The following RNF6 variants were observed in gnomAD, a reference collection of about 807,000 sequenced individuals.
RNF6 encodes the protein E3 ubiquitin-protein ligase RNF6.
A neutral mutation model predicts 50.1 loss-of-function variants in RNF6; 21 were observed. The ratio of observed to expected loss-of-function variants is 0.42; its 90% CI spans 0.30 to 0.60. RNF6 has a LOEUF of 0.60. Ranked by LOEUF, RNF6 falls within the 20% of genes least tolerant of loss-of-function variation. RNF6 has a pLI of 0.20. For synonymous variants in RNF6, 255 were observed against 291.8 expected (o/e 0.87, Z 1.29); for missense variants, 698 against 838.2 (o/e 0.83, Z 2.07).
intron 5 of RNF6, among the ~76,000 whole-genome samples, chr13:26,192,849 G>A (rs141101688): frequency 5.6e-4 from 86 of 152,354 alleles, no homozygotes; most frequent in African/African-American, 2.0e-3. Flanking sequence ...CCTTGTGAGA[G>A]ACCCTGAAAC....
intron 5 of RNF6, among the ~76,000 whole-genome samples, chr13:26,193,215 A>C (rs1194800227): frequency 6.6e-6 from 1 of 152,214 alleles, no homozygotes; most frequent in Non-Finnish European, 1.5e-5. Context: ...ATCAGCTTAT[A>C]AAAGGTTTCT....
intron 5 of RNF6, among the ~76,000 whole-genome samples, chr13:26,174,270 C>T (rs1872844827): frequency 1.3e-5 from 2 of 152,174 alleles, no homozygotes; most frequent in Admixed American, 6.5e-5. Flanking sequence ...AAGAGGAGGA[C>T]TGGCTAAGCA....
downstream of RNF6, among the ~76,000 whole-genome samples, chr13:26,209,019 T>C (rs868360748): frequency 7.9e-5 from 12 of 152,118 alleles, no homozygotes; most frequent in African/African-American, 2.2e-4. Flanking sequence ...CTTTAGCAAA[T>C]TGAGAACAAG....
chr13:26,179,859 C>T lies in RNF6; in HGVS notation n.768+35615G>A, dbSNP rs141386635. Among the ~76,000 whole-genome samples the T allele has an allele frequency of 6.2e-3, 938 of 152,286 alleles. 6 individuals are homozygous for T. The highest frequency in any genetic ancestry group is 0.021 in the African/African-American group (868 of 41,554). On this transcript the variant is annotated intron_variant and non_coding_transcript_variant, in intron 5 of 5. Coordinates refer to the RNF6 transcript ENST00000468480. ...ATACACTTCACTAGGCCCAGGAGGACGACTACCACAAGCAGGACATCCAGG... is the reference window on the plus strand; with the variant it reads ...ATACACTTCACTAGGCCCAGGAGGATGACTACCACAAGCAGGACATCCAGG...
rs115838871 is a variant in RNF6 at position 26,157,271 on chromosome 13, T to A, written n.769-24820A>T. ...CTGTTATAAACAAATTAATAAATTT[T>A]AAAAATTTTAAAAAATGAAACTAGA... On this transcript the variant is annotated intron_variant and non_coding_transcript_variant, in intron 5 of 5. Transcript: ENST00000468480. Among the ~76,000 whole-genome samples, 1,079 of 152,238 alleles carry A rather than the reference T, an allele frequency of 7.1e-3. 8 individuals are homozygous for A. The highest frequency in any genetic ancestry group is 0.014 in the African/African-American group (598 of 41,558).
intron 5 of RNF6, among the ~76,000 whole-genome samples, chr13:26,203,248 G>C (rs1470346953): frequency 2.0e-5 from 3 of 152,214 alleles, no homozygotes; most frequent in Admixed American, 6.5e-5. Context: ...ATTCAGAGGA[G>C]AGCAGTGGAG....
At position 26,214,660 on chromosome 13, in the gene RNF6, G is replaced by A. The variant is rs1869651298; in HGVS notation, c.1222C>T (p.Pro408Ser). The A allele has an allele frequency of 6.2e-7, 1 of 1,614,068 alleles. No individual in the cohort carries two copies. The highest frequency in any genetic ancestry group is 1.1e-5 in the South Asian group (1 of 91,090). ...CTATCCCGATCTCTATTTTCTCCAG[G>A]ACGGATCCTTCTCACTTGAAGGTCC... ...TLDLQVRRIR[P>S]GENRDRDSIA... Residue 408 changes from proline to serine, a missense_variant, in exon 5 of 5, where the codon CCT (proline) becomes TCT (serine). Physicochemically the swap from Pro to Ser is moderately conservative, Grantham distance 74 (BLOSUM62 -1). Transcript: ENST00000381588.
chr13:26,211,402 C>T (rs186143863), downstream of RNF6, among the ~76,000 whole-genome samples: 1 of 152,184 alleles, frequency 6.6e-6, no homozygotes, highest in East Asian at 1.9e-4. Context: ...CTTCCTTTGT[C>T]CTCCTAATTT....
At chr13:26,185,528 C>A (rs1270305518) in intron 5 of RNF6, among the ~76,000 whole-genome samples, 3 of 152,110 alleles carry the variant, frequency 2.0e-5, no homozygotes, top group Admixed American at 6.5e-5. Flanking sequence ...GGGCGGATCA[C>A]GAGGTCAAGA....
chr13:26,143,952 A>G (rs1455128255), intron 5 of RNF6, among the ~76,000 whole-genome samples: 1 of 152,242 alleles, frequency 6.6e-6, no homozygotes, highest in Non-Finnish European at 1.5e-5. Flanking sequence ...TTGTTTACAG[A>G]GAAGGCAAAG....
chr13:26,166,730 G>T (rs9581570), intron 5 of RNF6, among the ~76,000 whole-genome samples: 1,867 of 152,186 alleles, frequency 0.012, 38 homozygotes, highest in African/African-American at 0.043. Context: ...GACCAACCTG[G>T]GCAACAAGGT....
At chr13:26,138,802 G>A (rs1204290559) in intron 5 of RNF6, among the ~76,000 whole-genome samples, 1 of 152,110 alleles carries the variant, frequency 6.6e-6, no homozygotes, top group Non-Finnish European at 1.5e-5. Flanking sequence ...TATCTATTTA[G>A]CATAAAAGAA....
chr13:26,201,117 G>T (rs1868881038), intron 5 of RNF6, among the ~76,000 whole-genome samples: 1 of 152,068 alleles, frequency 6.6e-6, no homozygotes, highest in African/African-American at 2.4e-5. Context: ...GACTGCAGAA[G>T]AAAAAAGCTT....
At position 26,220,531 on chromosome 13, in the gene RNF6, T is replaced by C. The variant is rs548593941; in HGVS notation, c.-19+717A>G. Among the ~76,000 whole-genome samples, 14 of 152,348 alleles carry C rather than the reference T, an allele frequency of 9.2e-5. No individual in the cohort carries two copies. The South Asian group carries it at 2.9e-3, about 32-fold the overall frequency. On this transcript the variant is annotated intron_variant, in intron 2 of 4. Transcript: ENST00000381588. ...CACAAATATTTTAGAATTTCTTAAA[T>C]ACATCTATTCAGTAAGTCACACTAA...
chr13:26,161,769 C>G (rs898476233), intron 5 of RNF6, among the ~76,000 whole-genome samples: 8 of 152,112 alleles, frequency 5.3e-5, no homozygotes, highest in Non-Finnish European at 1.0e-4. Context: ...TCCTGGAATT[C>G]CTCAGCTGTT....
At chr13:26,180,373 T>C (rs1348419848) in intron 5 of RNF6, among the ~76,000 whole-genome samples, 2 of 151,956 alleles carry the variant, frequency 1.3e-5, no homozygotes, top group Admixed American at 6.6e-5. Flanking sequence ...GTTTAGAGGG[T>C]CACCTTTCAC....
At chr13:26,176,699 G>A (rs144424355) in intron 5 of RNF6, among the ~76,000 whole-genome samples, 2,762 of 152,334 alleles carry the variant, frequency 0.018, 65 homozygotes, top group African/African-American at 0.055. Flanking sequence ...TTGGGAGGCC[G>A]AGGCAGGTGG....
At chr13:26,165,537 A>G (rs1001972485) in intron 5 of RNF6, among the ~76,000 whole-genome samples, 4 of 152,284 alleles carry the variant, frequency 2.6e-5, no homozygotes, top group South Asian at 2.1e-4. Flanking sequence ...CAGACACTCA[A>G]TGCCAACCCA....
intron 5 of RNF6, among the ~76,000 whole-genome samples, chr13:26,146,094 A>T (rs1289135886): frequency 6.6e-6 from 1 of 152,222 alleles, no homozygotes; most frequent in Non-Finnish European, 1.5e-5. Flanking sequence ...AGTGTCCAAA[A>T]GTCCCCAGGA....
Sources: allele counts gnomAD v4.1 joint callset (sites outside exome capture counted in the v4.1 genomes callset), GRCh38; gene constraint gnomAD v4.1.1; transcripts MANE v1.5; gene names NCBI Gene and HGNC (gene_info 2026-07-23, HGNC 2026-07-21).